CHST11: variants seen among roughly 807,000 people sequenced by gnomAD.
CHST11 encodes the protein C4S-1.
CHST11 carries 9 observed loss-of-function variants against 30.4 expected under a neutral mutation model. The observed-to-expected ratio is 0.30, with a 90% CI of 0.18 to 0.52. The LOEUF (loss-of-function observed/expected upper bound fraction) is 0.52, where lower values mean the gene tolerates loss of function less well. Ranked by LOEUF, CHST11 falls within the 20% of genes least tolerant of loss-of-function variation. The probability of loss-of-function intolerance (pLI) is 0.97; values close to 1 mark genes in which losing one functional copy is unlikely to be tolerated. For missense variants in CHST11, 348 were observed against 460.6 expected (o/e 0.76, Z 2.24); for synonymous variants, 152 against 187.8 (o/e 0.81, Z 1.56).
chr12:104,583,188 T>C (rs1260568250), intron 1 of CHST11, among the ~76,000 whole-genome samples: 3 of 152,186 alleles, frequency 2.0e-5, no homozygotes, highest in African/African-American at 7.2e-5. Context: ...GGACCTTGTC[T>C]CTCCATTTTG....
chr12:104,652,955 C>T (rs911182817), intron 2 of CHST11, among the ~76,000 whole-genome samples: 38 of 152,202 alleles, frequency 2.5e-4, no homozygotes, highest in African/African-American at 8.4e-4. Flanking sequence ...AATGACCACT[C>T]GTTCCATCTA....
At chr12:104,655,272 G>A (rs527319093) in intron 2 of CHST11, among the ~76,000 whole-genome samples, 3 of 152,354 alleles carry the variant, frequency 2.0e-5, no homozygotes, top group East Asian at 3.9e-4. Context: ...CCTGACCTTC[G>A]CGCCGGAGGC....
intron 2 of CHST11, among the ~76,000 whole-genome samples, chr12:104,738,636 C>G (rs2040321858): frequency 6.6e-6 from 1 of 152,212 alleles, no homozygotes; most frequent in African/African-American, 2.4e-5. Context: ...AGCTTTACAG[C>G]CACCTTTAAA....
intron 1 of CHST11, among the ~76,000 whole-genome samples, chr12:104,502,694 A>G (rs2037863127): frequency 6.6e-6 from 1 of 152,218 alleles, no homozygotes. Context: ...GTCAAGTGCA[A>G]ACTGAGTTAA....
chr12:104,610,043 CTGTGTGTGTGTGTGTGTGTGTGTGTGTG>C (rs56983056), intron 2 of CHST11, among the ~76,000 whole-genome samples: 6 of 143,186 alleles, frequency 4.2e-5, no homozygotes, highest in African/African-American at 7.8e-5. Context: ...ATGAGTGCCT[CTGTGTGTGTGTGTGTGTGTGTGTGTGTG>C]TGTGTGTGTG....
At chr12:104,577,856 A>G (rs2038700532) in intron 1 of CHST11, among the ~76,000 whole-genome samples, 1 of 152,170 alleles carries the variant, frequency 6.6e-6, no homozygotes. Context: ...TTTTCTTACC[A>G]CGTGTCAACA....
intron 1 of CHST11, among the ~76,000 whole-genome samples, chr12:104,481,075 C>T (rs1055414802): frequency 6.6e-6 from 1 of 152,176 alleles, no homozygotes; most frequent in African/African-American, 2.4e-5. Context: ...GCCGTACTTT[C>T]CAGCTATGAA....
chr12:104,513,073 G>A (rs2037981645), intron 1 of CHST11, among the ~76,000 whole-genome samples: 2 of 139,000 alleles, frequency 1.4e-5, no homozygotes, highest in Non-Finnish European at 3.1e-5. Flanking sequence ...TTGAGGGGTG[G>A]AGCTCAAGGC....
rs548536327 is a variant in CHST11 at position 104,458,012 on chromosome 12, G to A, written c.118+483G>A. On this transcript the variant is annotated intron_variant, in intron 1 of 2. Transcript: ENST00000303694. The surrounding 1 kb of genome is among the most constrained non-coding windows in gnomAD (Gnocchi z 5.7). ...GCCGCCTCTTCCTGGTTGCCGGGCC[G>A]GGGGCGAAGGGTGTACGCCCCGGCG... Among the ~76,000 whole-genome samples the A allele has an allele frequency of 6.6e-6, 1 of 151,866 alleles. No homozygotes were observed. Among genetic ancestry groups the A allele is most frequent in the Admixed American group, 6.5e-5 (1 of 15,278 alleles).
At chr12:104,708,335 G>A (rs529399063) in intron 2 of CHST11, among the ~76,000 whole-genome samples, 16 of 152,350 alleles carry the variant, frequency 1.1e-4, no homozygotes, top group African/African-American at 1.7e-4. Flanking sequence ...TCCCGGGGGC[G>A]GCTGTGGGGA....
rs900203486 is a variant in CHST11, at chr12:104,458,219, G to A, written c.118+690G>A. On this transcript the variant is annotated intron_variant, in intron 1 of 2. Transcript: ENST00000303694. The surrounding 1 kb of genome is among the most constrained non-coding windows in gnomAD (Gnocchi z 5.7). Reference sequence around the variant, plus strand: ...GTGACCTTGCGGCTGGTGCCCCGGGGCCTGCTCCAGCCCCCAGCCCTGAGC... The same window carrying A: ...GTGACCTTGCGGCTGGTGCCCCGGGACCTGCTCCAGCCCCCAGCCCTGAGC... 6.6e-5 allele frequency among the ~76,000 whole-genome samples: 10 copies of A among 152,128 alleles called. No homozygotes were observed. The highest frequency in any genetic ancestry group is 1.0e-4 in the Non-Finnish European group (7 of 68,000).
At position 104,758,848 on chromosome 12, in the gene CHST11, A is replaced by T. The variant is rs1592880701; in HGVS notation, c.*1045A>T. On this transcript the variant is annotated 3_prime_UTR_variant, in exon 3 of 3. Coordinates refer to ENST00000303694, the MANE Select transcript of CHST11 (RefSeq NM_018413.6). ...CCAAGCTCACTGACCAACAGAAAAG[A>T]TGCTAAAAAAATGTGTCCTATCATG... 6.6e-6 allele frequency: 1 copy of T among 152,218 alleles called. No individual in the cohort carries two copies. Among genetic ancestry groups the T allele is most frequent in the South Asian group, 2.1e-4 (1 of 4,828 alleles). The allele number at this position is 152,218 out of a possible 1,614,324, so 9.4% of individuals were successfully genotyped here.
chr12:104,604,580 G>C (rs948057249), intron 2 of CHST11, among the ~76,000 whole-genome samples: 1 of 152,132 alleles, frequency 6.6e-6, no homozygotes, highest in Non-Finnish European at 1.5e-5. Flanking sequence ...AGTTGGTTTT[G>C]TGTCCATGAG....
chr12:104,691,247 A>G (rs1436225837), intron 2 of CHST11, among the ~76,000 whole-genome samples: 1 of 152,064 alleles, frequency 6.6e-6, no homozygotes, highest in African/African-American at 2.4e-5. Context: ...TCAGCTCTGG[A>G]TGGGCTGTGA....
chr12:104,476,294 T>G (rs933731029), intron 1 of CHST11, among the ~76,000 whole-genome samples: 1 of 150,584 alleles, frequency 6.6e-6, no homozygotes, highest in African/African-American at 2.4e-5. Flanking sequence ...TATACACATA[T>G]GTGAATAATA....
chr12:104,714,940 AAGCTGGGGTAGCTGACCTCGAGGCAG>A (rs764504909), intron 2 of CHST11, among the ~76,000 whole-genome samples: 1 of 152,214 alleles, frequency 6.6e-6, no homozygotes, highest in Non-Finnish European at 1.5e-5. Flanking sequence ...GACCCGAAGC[AAGCTGGGGTAGCTGACCTCGAGGCAG>A]AGCTGTGGGA....
At chr12:104,745,333 C>T (rs1371514068) in intron 2 of CHST11, among the ~76,000 whole-genome samples, 3 of 152,098 alleles carry the variant, frequency 2.0e-5, no homozygotes, top group African/African-American at 7.2e-5. Flanking sequence ...CATGCCGTTT[C>T]GGTTACTATA....
At chr12:104,727,318 C>G (rs1156461389) in intron 2 of CHST11, among the ~76,000 whole-genome samples, 1 of 152,188 alleles carries the variant, frequency 6.6e-6, no homozygotes, top group Non-Finnish European at 1.5e-5. Flanking sequence ...CTTGGAGGAG[C>G]AATAAATGTG....
rs115758472 is a variant in CHST11 at position 104,617,364 on chromosome 12, G to T, written c.204+15373G>T. Among the ~76,000 whole-genome samples the T allele has an allele frequency of 5.4e-3, 819 of 152,222 alleles. 7 individuals carry two copies. The highest frequency in any genetic ancestry group is 0.018 in the African/African-American group (761 of 41,518). ...GAGGCAACCTAGGCTCTCCATGCCC[G>T]CCTCTCACCTTCACTCCAGCATTTT... On this transcript the variant is annotated intron_variant, in intron 2 of 2. Transcript: ENST00000303694.
Sources: allele counts gnomAD v4.1 joint callset (sites outside exome capture counted in the v4.1 genomes callset), GRCh38; gene constraint gnomAD v4.1.1; non-coding constraint Gnocchi (gnomAD v3.1); transcripts MANE v1.5; gene names NCBI Gene and HGNC (gene_info 2026-07-23, HGNC 2026-07-21).